The following PCSK5 variants were observed in gnomAD, a reference collection of about 807,000 sequenced individuals.
PCSK5 encodes the protein proprotein convertase subtilisin/kexin type 5, also known as prohormone convertase 5.
In PCSK5, 129 loss-of-function variants were observed where a neutral mutation model predicts 233.2. The ratio of observed to expected loss-of-function variants is 0.55; its 90% CI spans 0.48 to 0.64. The LOEUF is 0.64. Ranked by LOEUF, PCSK5 falls within the 30% of genes least tolerant of loss-of-function variation. The pLI, the probability that PCSK5 is intolerant of heterozygous loss-of-function variation, is 0.00. For synonymous variants in PCSK5, 825 were observed against 879.2 expected (o/e 0.94, Z 1.09); for missense variants, 2,076 against 2,430.1 (o/e 0.85, Z 3.06).
At position 76,272,342 on chromosome 9, in the gene PCSK5, C is replaced by G. The variant is rs138988187; in HGVS notation, c.3143-19891C>G. On this transcript the variant is annotated intron_variant, in intron 24 of 37. Transcript: ENST00000674117. Reference sequence around the variant, plus strand: ...ACCACATCAGTCTTCTAACTAGTCTCTCTGATTCCAGTCTTCTTCTATTCT... The same window carrying G: ...ACCACATCAGTCTTCTAACTAGTCTGTCTGATTCCAGTCTTCTTCTATTCT... Among the ~76,000 whole-genome samples the G allele has an allele frequency of 3.3e-5, 5 of 152,272 alleles. No individual in the cohort carries two copies. In the East Asian group the frequency reaches 9.6e-4, roughly 29 times the overall value.
chr9:76,328,254 C>T lies in PCSK5; in HGVS notation c.4570+15C>T, dbSNP rs759945965. On this transcript the variant is annotated intron_variant, in intron 33 of 37. Transcript: ENST00000674117. The stretch of plus-strand genomic sequence containing the variant: ...CCTTCTTCTCAGTGAGTTACTTCTC[C>T]GAGGACAGCTTTGTGTTTCCATCTC... 2.2e-5 allele frequency: 35 copies of T among 1,565,762 alleles called. No individual in the cohort carries two copies. The highest frequency in any genetic ancestry group is 8.3e-5 in the Admixed American group (5 of 59,916).
chr9:76,076,247 G>A (rs1830642662), intron 7 of PCSK5, among the ~76,000 whole-genome samples: 1 of 152,198 alleles, frequency 6.6e-6, no homozygotes, highest in Non-Finnish European at 1.5e-5. Context: ...CAGGAAGAGG[G>A]CCAAGGGAGA....
chr9:76,056,935 C>T (rs1829841050), intron 5 of PCSK5, among the ~76,000 whole-genome samples: 1 of 152,044 alleles, frequency 6.6e-6, no homozygotes, highest in Non-Finnish European at 1.5e-5. Flanking sequence ...AAATATGCAT[C>T]TTAGTAATAT....
chr9:75,956,115 A>G (rs1249148152), intron 2 of PCSK5, among the ~76,000 whole-genome samples: 1 of 152,220 alleles, frequency 6.6e-6, no homozygotes, highest in African/African-American at 2.4e-5. Flanking sequence ...CTCTGCAAAC[A>G]AATTTTATAT....
At chr9:76,107,555 T>G (rs1832030152) in intron 9 of PCSK5, among the ~76,000 whole-genome samples, 1 of 152,236 alleles carries the variant, frequency 6.6e-6, no homozygotes, top group South Asian at 2.1e-4. Flanking sequence ...TTTACATGCT[T>G]AAAAAATCAA....
At position 75,911,201 on chromosome 9, in the gene PCSK5, G is replaced by GTTTTTTTTTTTTTTTTTTTT. The variant is rs71370772; in HGVS notation, c.192+19840_192+19859dup. Among the ~76,000 whole-genome samples the GTTTTTTTTTTTTTTTTTTTT allele has an allele frequency of 2.3e-4, 11 of 48,766 alleles. 2 individuals are homozygous for GTTTTTTTTTTTTTTTTTTTT. The highest frequency in any genetic ancestry group is 7.3e-4 in the East Asian group (1 of 1,362). The allele number at this position is 48,766 out of a possible 152,430, so 32.0% of individuals were successfully genotyped here. Reference sequence around the variant, plus strand: ...TGATACATTGCGTGTGAACATATAGGTTTTTTTTTTTTTTTTTTTTTTTTT... The same window carrying GTTTTTTTTTTTTTTTTTTTT: ...TGATACATTGCGTGTGAACATATAGGTTTTTTTTTTTTTTTTTTTTTTTTTTTTTTTTTTTTTTTTTTTTT... On this transcript the variant is annotated intron_variant, in intron 1 of 37. Coordinates refer to ENST00000674117, the MANE Select transcript of PCSK5 (RefSeq NM_001372043.1).
chr9:75,976,737 G>A (rs1398333054), intron 2 of PCSK5, among the ~76,000 whole-genome samples: 3 of 150,872 alleles, frequency 2.0e-5, no homozygotes, highest in African/African-American at 7.3e-5. Context: ...TTATTATGTT[G>A]TAATGTTAAT....
At chr9:76,044,171 A>G (rs1433362501) in intron 5 of PCSK5, among the ~76,000 whole-genome samples, 1 of 152,220 alleles carries the variant, frequency 6.6e-6, no homozygotes, top group Non-Finnish European at 1.5e-5. Context: ...ATATAATTAG[A>G]CCAACGTAAG....
Position 75,986,190 on chromosome 9 carries a change from G to T in PCSK5, c.356G>T (p.Ser119Ile). The change falls in exon 3 of 38, where the codon AGT becomes ATT. Residue 119 changes from serine (S) to isoleucine (I), a missense_variant. Coordinates refer to ENST00000674117, the MANE Select transcript of PCSK5 (RefSeq NM_001372043.1). ...KKRTKRDYDFSRAQSTYFNDP... is the reference protein window; with the variant it reads ...KKRTKRDYDFIRAQSTYFNDP... ...CGGACAAAGAGGGATTATGACTTCA[G>T]TCGTGCCCAGTCTACCTATTTCAAT... The T allele has an allele frequency of 6.2e-7, 1 of 1,613,922 alleles. No homozygotes were observed. The highest frequency in any genetic ancestry group is 8.5e-7 in the Non-Finnish European group (1 of 1,179,782).
chr9:75,901,725 T>C (rs144740984), intron 1 of PCSK5, among the ~76,000 whole-genome samples: 258 of 152,150 alleles, frequency 1.7e-3, no homozygotes, highest in African/African-American at 6.1e-3. Context: ...TTTGGAACAC[T>C]TTTAGGAAAT....
At chr9:76,166,382 A>C (rs1823087250) in intron 12 of PCSK5, among the ~76,000 whole-genome samples, 1 of 148,036 alleles carries the variant, frequency 6.8e-6, no homozygotes, top group African/African-American at 2.5e-5. Context: ...TCTTCTTGGC[A>C]GTCAGTTTAT....
At chr9:76,230,965 T>A (rs569410126) in intron 21 of PCSK5, among the ~76,000 whole-genome samples, 53 of 152,204 alleles carry the variant, frequency 3.5e-4, no homozygotes, top group South Asian at 6.2e-4. Context: ...ACTTGAATCA[T>A]CCCAAAACCA....
intron 5 of PCSK5, among the ~76,000 whole-genome samples, chr9:76,060,143 A>C (rs1304156179): frequency 6.6e-6 from 1 of 152,172 alleles, no homozygotes; most frequent in Non-Finnish European, 1.5e-5. Flanking sequence ...AAGAATGTAC[A>C]CTTGACCCTT....
chr9:76,017,951 G>A (rs986167538), intron 3 of PCSK5, among the ~76,000 whole-genome samples: 1 of 138,134 alleles, frequency 7.2e-6, no homozygotes, highest in Non-Finnish European at 1.5e-5. Flanking sequence ...CACACGTGTC[G>A]AATGTTCATT....
chr9:76,142,115 C>T (rs981190932), intron 10 of PCSK5, among the ~76,000 whole-genome samples: 3 of 151,752 alleles, frequency 2.0e-5, no homozygotes, highest in Non-Finnish European at 4.4e-5. Flanking sequence ...TGCATATGTA[C>T]TCCTAAACCT....
At chr9:76,212,067 AGAAAAGC>A (rs1158756816) in intron 20 of PCSK5, among the ~76,000 whole-genome samples, 1 of 152,182 alleles carries the variant, frequency 6.6e-6, no homozygotes, top group Non-Finnish European at 1.5e-5. Flanking sequence ...GACCACTGTG[AGAAAAGC>A]CCTTTGTAAC....
At position 75,997,382 on chromosome 9, in the gene PCSK5, A is replaced by C. The variant is rs1422974149; in HGVS notation, c.411+11137A>C. Among the ~76,000 whole-genome samples the C allele has an allele frequency of 7.9e-5, 12 of 152,330 alleles. No individual in the cohort carries two copies. In the South Asian group the frequency reaches 1.2e-3, roughly 16 times the overall value. On this transcript the variant is annotated intron_variant, in intron 3 of 37. Transcript: ENST00000674117. ...TGAATTGGAAAGAAGACAAATGCCT[A>C]AATTGTCTGGGGAGAAAGTATTAAC...
intron 2 of PCSK5, among the ~76,000 whole-genome samples, chr9:75,978,913 C>A (rs965403164): frequency 1.6e-5 from 2 of 128,038 alleles, no homozygotes; most frequent in African/African-American, 5.7e-5. Flanking sequence ...GCTCTTGTTG[C>A]CCAGGCTGGA....
chr9:76,358,412 A>T (rs903898006), intron 37 of PCSK5, 101 bp from the exon 38 acceptor site: 5 of 867,464 alleles, frequency 5.8e-6, no homozygotes, highest in Admixed American at 2.8e-5. Flanking sequence ...TTCAATTTTT[A>T]AAATAAAGGT....
Sources: gnomAD v4.1 joint callset for allele counts (sites outside exome capture counted in the v4.1 genomes callset) on GRCh38, gnomAD v4.1.1 for gene constraint, MANE v1.5 for transcripts, NCBI Gene and HGNC (gene_info 2026-07-23, HGNC 2026-07-21) for gene names.